Variants in CTNNA3 observed in about 807,000 individuals in gnomAD.
CTNNA3 encodes catenin alpha-3.
CTNNA3 carries 76 observed loss-of-function variants against 95.7 expected under a neutral mutation model. That is an observed-to-expected ratio of 0.79 (90% CI 0.66 to 0.96). CTNNA3 has a LOEUF of 0.96. Among genes scored for constraint, CTNNA3 ranks in the 40% least tolerant of loss-of-function variants. The pLI is 0.00. For synonymous variants in CTNNA3, 431 were observed against 374.4 expected (o/e 1.15, Z -1.74); for missense variants, 1,191 against 1,089.8 (o/e 1.09, Z -1.31).
At chr10:66,056,238 G>A (rs989998512) in intron 15 of CTNNA3, among the ~76,000 whole-genome samples, 7 of 152,102 alleles carry the variant, frequency 4.6e-5, no homozygotes, top group Non-Finnish European at 7.4e-5. Context: ...TTTTTACCAT[G>A]AAGGGATGTT....
chr10:66,208,102 C>A (rs140025233), intron 13 of CTNNA3, among the ~76,000 whole-genome samples: 20 of 152,086 alleles, frequency 1.3e-4, no homozygotes, highest in African/African-American at 4.3e-4. Context: ...AATTTTCCAA[C>A]CCACTTATAG....
chr10:66,095,687 A>G (rs1040664940), intron 14 of CTNNA3, among the ~76,000 whole-genome samples: 1 of 152,084 alleles, frequency 6.6e-6, no homozygotes, highest in South Asian at 2.1e-4. Flanking sequence ...TCACCAACAT[A>G]AAGTTTACAT....
chr10:67,006,577 A>C (rs759631909), intron 7 of CTNNA3, among the ~76,000 whole-genome samples: 4 of 152,164 alleles, frequency 2.6e-5, no homozygotes, highest in Non-Finnish European at 5.9e-5. Context: ...CTAAAGTAGA[A>C]GTCTCAATTA....
intron 7 of CTNNA3, among the ~76,000 whole-genome samples, chr10:67,059,101 C>T (rs1490880954): frequency 6.6e-6 from 1 of 152,176 alleles, no homozygotes; most frequent in East Asian, 1.9e-4. Context: ...TCTTGAGAAT[C>T]TAATCCTTTA....
At position 66,875,651 on chromosome 10, in the gene CTNNA3, AT is replaced by A. The variant is rs533017066; in HGVS notation, c.1048-100128del. Among the ~76,000 whole-genome samples, 718 of 151,116 alleles carry A rather than the reference AT, an allele frequency of 4.8e-3. 7 individuals are homozygous for A. The highest frequency in any genetic ancestry group is 0.016 in the African/African-American group (673 of 41,464). On this transcript the variant is annotated intron_variant, in intron 7 of 17. Coordinates refer to ENST00000433211, the MANE Select transcript of CTNNA3 (RefSeq NM_013266.4). ...AATAAAAAGCTTTAAAATAAAAAAA[AT>A]AGTAAATCTGCTAATCCAATCTCAC...
At chr10:66,598,853 T>C (rs916683719) in intron 10 of CTNNA3, among the ~76,000 whole-genome samples, 14 of 152,028 alleles carry the variant, frequency 9.2e-5, no homozygotes, top group African/African-American at 3.4e-4. Context: ...CTGCAATCTT[T>C]ATCAGAATCC....
chr10:66,497,948 A>T (rs569479820), intron 11 of CTNNA3, among the ~76,000 whole-genome samples: 67 of 152,248 alleles, frequency 4.4e-4, no homozygotes, highest in African/African-American at 1.6e-3. Flanking sequence ...TCTATCTATC[A>T]AAAATCTATG....
At position 67,561,018 on chromosome 10, in the gene CTNNA3, G is replaced by T. The variant is rs542417192; in HGVS notation, c.293-21349C>A. ...CCTTAGAGACCTACAAAGAGACTTA[G>T]ACTCCCACACAATAATAATGGGAGA... On this transcript the variant is annotated intron_variant, in intron 3 of 17. Coordinates refer to ENST00000433211, the MANE Select transcript of CTNNA3 (RefSeq NM_013266.4). 6.0e-5 allele frequency among the ~76,000 whole-genome samples: 9 copies of T among 150,782 alleles called. No individual in the cohort carries two copies. The East Asian group carries it at 1.8e-3, about 30-fold the overall frequency.
In CTNNA3 at chr10:67,441,373, G is replaced by C. The variant is rs72806673; in HGVS notation, c.579+80469C>G. 1.4e-3 allele frequency among the ~76,000 whole-genome samples: 219 copies of C among 151,836 alleles called. 1 individual carries two copies. Among genetic ancestry groups the C allele is most frequent in the Non-Finnish European group, 2.6e-3 (177 of 67,952 alleles). Reference sequence around the variant, plus strand: ...TGGTCTTAAAGAGGAGGTAGAAAAAGAGATAGTGATAGAAAGTTTATTCAA... The same window carrying C: ...TGGTCTTAAAGAGGAGGTAGAAAAACAGATAGTGATAGAAAGTTTATTCAA... On this transcript the variant is annotated intron_variant, in intron 5 of 17. Coordinates refer to ENST00000433211, the MANE Select transcript of CTNNA3 (RefSeq NM_013266.4).
intron 7 of CTNNA3, among the ~76,000 whole-genome samples, chr10:66,942,015 G>A (rs1435462160): frequency 2.0e-5 from 3 of 152,122 alleles, no homozygotes; most frequent in Non-Finnish European, 4.4e-5. Flanking sequence ...AATAAACCTG[G>A]GGTGCAGTTT....
intron 8 of CTNNA3, among the ~76,000 whole-genome samples, chr10:66,770,507 T>G (rs116435437): frequency 6.6e-6 from 1 of 152,226 alleles, no homozygotes; most frequent in Admixed American, 6.5e-5. Flanking sequence ...GCATGAAAGA[T>G]GTTAGAACAA....
At chr10:67,310,157 A>T (rs1564555477) in intron 5 of CTNNA3, among the ~76,000 whole-genome samples, 1 of 152,220 alleles carries the variant, frequency 6.6e-6, no homozygotes, top group Non-Finnish European at 1.5e-5. Flanking sequence ...ACCTTGGAAG[A>T]TATTTAAGTA....
At chr10:67,343,880 C>T (rs1002698099) in intron 5 of CTNNA3, among the ~76,000 whole-genome samples, 13 of 149,804 alleles carry the variant, frequency 8.7e-5, no homozygotes, top group Non-Finnish European at 1.3e-4. Context: ...ATGACAGATC[C>T]CCAGCTAGTA....
In CTNNA3 at chr10:67,594,798, T is replaced by C. The variant is rs192027963; in HGVS notation, c.292+12059A>G. ...TTGGTTACATGAGTAAGTTCTTTAG[T>C]GGTGATCTGTGATATTTTGGTGCAC... On this transcript the variant is annotated intron_variant, in intron 3 of 17. Coordinates refer to ENST00000433211, the MANE Select transcript of CTNNA3 (RefSeq NM_013266.4). Among the ~76,000 whole-genome samples, 290 of 152,264 alleles carry C rather than the reference T, an allele frequency of 1.9e-3. 3 individuals are homozygous for C. The highest frequency in any genetic ancestry group is 0.017 in the South Asian group (84 of 4,826).
intron 9 of CTNNA3, among the ~76,000 whole-genome samples, chr10:66,739,101 A>C (rs900743772): frequency 3.3e-5 from 5 of 152,192 alleles, no homozygotes; most frequent in African/African-American, 4.8e-5. Flanking sequence ...GAGATTATAA[A>C]TCTCTGAACA....
chr10:67,297,520 C>G (rs1840094503), intron 5 of CTNNA3, among the ~76,000 whole-genome samples: 1 of 152,180 alleles, frequency 6.6e-6, no homozygotes, highest in Admixed American at 6.5e-5. Context: ...TTTCAGTATA[C>G]TATGCAATCC....
upstream of CTNNA3, among the ~76,000 whole-genome samples, chr10:67,698,244 AAAAAAAGAGAG>A (rs1841003988): frequency 1.5e-5 from 2 of 136,628 alleles, no homozygotes; most frequent in African/African-American, 5.9e-5. Context: ...GCTGGGGAAA[AAAAAAAGAGAG>A]AAAAAAGAGA....
At chr10:66,238,205 G>A (rs1277656429) in intron 13 of CTNNA3, among the ~76,000 whole-genome samples, 1 of 151,930 alleles carries the variant, frequency 6.6e-6, no homozygotes, top group Non-Finnish European at 1.5e-5. Flanking sequence ...TCCAACTCCT[G>A]CTTCCTTGGA....
chr10:65,925,878 A>T (rs2077161970), intron 17 of CTNNA3, among the ~76,000 whole-genome samples: 1 of 151,958 alleles, frequency 6.6e-6, no homozygotes, highest in South Asian at 2.1e-4. Flanking sequence ...TTCCTCACTT[A>T]TCACTTCTTA....
Sources: allele counts gnomAD v4.1 joint callset (sites outside exome capture counted in the v4.1 genomes callset), GRCh38; gene constraint gnomAD v4.1.1; transcripts MANE v1.5; gene names NCBI Gene and HGNC (gene_info 2026-07-23, HGNC 2026-07-21).